The following TOP2A variants were observed in gnomAD, a reference collection of about 807,000 sequenced individuals.
TOP2A encodes DNA topoisomerase II alpha.
A neutral mutation model predicts 187.2 loss-of-function variants in TOP2A; 68 were observed. That is an observed-to-expected ratio of 0.36 (90% CI 0.30 to 0.44). The LOEUF is 0.44. Ranked by LOEUF, TOP2A falls within the 20% of genes least tolerant of loss-of-function variation. TOP2A has a pLI of 1.00. For missense variants in TOP2A, 1,196 were observed against 1,808.7 expected, an observed-to-expected ratio of 0.66 and a Z score of 6.14; for synonymous variants, 542 against 593.2, an observed-to-expected ratio of 0.91 and a Z score of 1.25.
chr17:40,395,424 C>G, intron 29 of TOP2A, 25 bp downstream of exon 29: 3 of 1,493,142 alleles, frequency 2.0e-6, no homozygotes, highest in Non-Finnish European at 2.8e-6. Context: ...CACTTTATAC[C>G]ATTTTTCTAA....
chr17:40,392,401 G>A, intron 30 of TOP2A, 60 bp from the exon 31 acceptor site: 1 of 1,530,734 alleles, frequency 6.5e-7, no homozygotes, highest in East Asian at 2.3e-5. Context: ...CAATTCATAG[G>A]TTGACATAAC....
Position 40,391,833 on chromosome 17 carries a change from A to G in TOP2A, c.4133-193T>C. On this transcript the variant is annotated intron_variant, in intron 32 of 34. Coordinates refer to ENST00000423485, the MANE Select transcript of TOP2A (RefSeq NM_001067.4). ...AGCAAGAACAGTTTTTATTTTTTGT[A>G]TCTCTAGCACCTAGCAAAGTACCTG... 5 of 808,040 alleles carry G rather than the reference A, an allele frequency of 6.2e-6. No individual in the cohort carries two copies. In the Admixed American group the frequency reaches 1.7e-4, roughly 28 times the overall value. 50.1% of individuals were successfully genotyped at this position (808,040 alleles called of 1,614,324 possible).
At chr17:40,392,134 T>G (rs2035029771) in intron 31 of TOP2A, 23 bp from the exon 32 acceptor site, 2 of 1,608,438 alleles carry the variant, frequency 1.2e-6, no homozygotes, top group Admixed American at 3.4e-5. Flanking sequence ...AAAAAAATCC[T>G]GACAACCAAT....
intron 19 of TOP2A, among the ~76,000 whole-genome samples, chr17:40,403,391 G>A (rs2143656082): frequency 6.6e-6 from 1 of 152,172 alleles, no homozygotes; most frequent in South Asian, 2.1e-4. Flanking sequence ...GTGTGTATTG[G>A]CCCTCTGGCT....
intron 4 of TOP2A, among the ~76,000 whole-genome samples, chr17:40,413,961 AT>A (rs567820335): frequency 0.015 from 2,312 of 152,112 alleles, 28 homozygotes; most frequent in Non-Finnish European, 0.023. Context: ...CCAGCCCTCA[AT>A]TTTTTTGGCA....
At position 40,389,957 on chromosome 17, in the gene TOP2A, A is replaced by C. The variant is rs1567779931; in HGVS notation, c.4467+8T>G. The C allele has an allele frequency of 6.2e-7, 1 of 1,611,268 alleles. No homozygotes were observed. Among genetic ancestry groups the C allele is most frequent in the South Asian group, 1.1e-5 (1 of 90,442 alleles). On this transcript the variant is annotated splice_region_variant and intron_variant, in intron 34 of 34. Coordinates refer to ENST00000423485, the MANE Select transcript of TOP2A (RefSeq NM_001067.4). Reference sequence around the variant, plus strand: ...ACAGCAAAAGGACTGACTAGGATCAACACTCACCTTGCTTGTGACTGCTTT... The same window carrying C: ...ACAGCAAAAGGACTGACTAGGATCACCACTCACCTTGCTTGTGACTGCTTT...
At chr17:40,414,229 G>A (rs1381767179) in intron 4 of TOP2A, among the ~76,000 whole-genome samples, 2 of 152,040 alleles carry the variant, frequency 1.3e-5, no homozygotes, top group East Asian at 1.9e-4. Flanking sequence ...ACAGCATCTC[G>A]CTCTGTCACC....
At chr17:40,409,080 G>T in intron 10 of TOP2A, 1 of 337,956 alleles carries the variant, frequency 3.0e-6, no homozygotes, top group Non-Finnish European at 5.7e-6. Flanking sequence ...TGTAATTCCA[G>T]CTACTCGGGA....
At position 40,411,701 on chromosome 17, in the gene TOP2A, T is replaced by C. The variant is rs1364100698; in HGVS notation, c.907A>G (p.Met303Val). 8.7e-6 allele frequency: 14 copies of C among 1,613,114 alleles called. No individual in the cohort carries two copies. The highest frequency in any genetic ancestry group is 1.7e-5 in the Admixed American group (1 of 59,822). ...VNHRWEVCLTMSEKGFQQISF... is the reference protein window; with the variant it reads ...VNHRWEVCLTVSEKGFQQISF... ...ATTTGCTGAAAGCCTTTTTCACTCA[T>C]AGTTAAACACACTTCCCACCTGTGG... Residue 303 changes from methionine (M) to valine (V), a missense_variant, in exon 8 of 35, where the codon ATG (methionine) becomes GTG (valine). By Grantham distance (21) the Met-to-Val change is conservative. Around this residue, in one of 10 missense-constraint regions of TOP2A, gnomAD observed 252 missense variants for 434.8 expected, o/e 0.58. Transcript: ENST00000423485. The surrounding 1 kb of genome is among the most constrained non-coding windows in gnomAD (Gnocchi z 4.4).
In TOP2A at chr17:40,400,564, C is replaced by T. The variant is rs367852231; in HGVS notation, c.2764G>A (p.Glu922Lys). ...EVAILNSTTI[E>K]ISELPVRTWT... The stretch of plus-strand genomic sequence containing the variant: ...GTTCTGACGGGAAGCTCTGAGATTT[C>T]AATGGTTGTAGAATTAAGAATAGCT... Residue 922 changes from glutamate (E) to lysine (K), a missense_variant, in exon 22 of 35, where the codon GAA (glutamate) becomes AAA (lysine). Glu to Lys is a moderately conservative substitution (Grantham distance 56). Coordinates refer to ENST00000423485, the MANE Select transcript of TOP2A (RefSeq NM_001067.4). 40 of 1,610,514 alleles carry T rather than the reference C, an allele frequency of 2.5e-5. No homozygotes were observed. The highest frequency in any genetic ancestry group is 1.6e-4 in the Middle Eastern group (1 of 6,074).
chr17:40,401,019 T>C lies in TOP2A; in HGVS notation c.2495A>G (p.Asp832Gly). The part of the protein sequence containing the change: ...DDHTLKFLYD[D>G]NQRVEPEWYI... ...CCATTCAGGCTCAACACGCTGGTTG[T>C]CATCATATAAAAACTTCAACGTGTG... Residue 832 changes from aspartate to glycine, a missense_variant, in exon 21 of 35, where the codon GAC becomes GGC. By Grantham distance (94) the Asp-to-Gly change is moderately conservative. This residue lies in a region of TOP2A where 209 missense variants were observed against 376.9 expected (regional missense o/e 0.55). Transcript: ENST00000423485. 1 of 1,613,962 alleles carries C rather than the reference T, an allele frequency of 6.2e-7. No homozygotes were observed. Among genetic ancestry groups the C allele is most frequent in the Non-Finnish European group, 8.5e-7 (1 of 1,179,884 alleles).
At position 40,409,137 on chromosome 17, in the gene TOP2A, C is replaced by A. The variant is rs530918585; in HGVS notation, c.1204-507G>T. On this transcript the variant is annotated intron_variant, in intron 10 of 34. Coordinates refer to ENST00000423485, the MANE Select transcript of TOP2A (RefSeq NM_001067.4). ...TGAACCCAGGAGGTAGAGGTTGCAGCGAGCCAAGATCGCACCATTGCACTC... is the reference window on the plus strand; with the variant it reads ...TGAACCCAGGAGGTAGAGGTTGCAGAGAGCCAAGATCGCACCATTGCACTC... The A allele has an allele frequency of 1.7e-5, 5 of 299,720 alleles. No homozygotes were observed. In the Admixed American group the frequency reaches 2.0e-4, roughly 12 times the overall value. 18.6% of individuals were successfully genotyped at this position (299,720 alleles called of 1,614,324 possible). A position where few individuals can be genotyped will look rare whatever the true frequency, so the allele number is the denominator to read the frequency against.
chr17:40,412,794 C>T lies in TOP2A; in HGVS notation c.754G>A (p.Asp252Asn). The T allele has an allele frequency of 6.2e-7, 1 of 1,613,964 alleles. No individual in the cohort carries two copies. The highest frequency in any genetic ancestry group is 1.1e-5 in the South Asian group (1 of 91,084). The change falls in exon 7 of 35, where the codon GAT becomes AAT. Residue 252 changes from aspartate (D) to asparagine (N), a missense_variant. Physicochemically the swap from Asp to Asn is conservative, Grantham distance 23. This residue lies in a region of TOP2A where 252 missense variants were observed against 434.8 expected (regional missense o/e 0.58). Coordinates refer to ENST00000423485, the MANE Select transcript of TOP2A (RefSeq NM_001067.4). ...RAYDIAGSTKDVKVFLNGNKL... is the reference protein window; with the variant it reads ...RAYDIAGSTKNVKVFLNGNKL... ...TTTCCATTAAGAAAGACTTTGACAT[C>T]TTTGGTGGATCCAGCAATATCATAT... is the stretch of plus-strand genomic sequence containing the variant.
Position 40,406,696 on chromosome 17 carries a change from T to G in TOP2A, c.1738-7A>C, listed in dbSNP as rs769472033. The G allele has an allele frequency of 2.5e-6, 4 of 1,609,118 alleles. No homozygotes were observed. The highest frequency in any genetic ancestry group is 3.4e-5 in the Admixed American group (2 of 59,622). ...CTTGCTTGTTTTTAGATACCTGTGA[T>G]AAAAAACAATGACTGTGGCTTTGTA... On this transcript the variant is annotated splice_polypyrimidine_tract_variant and splice_region_variant and intron_variant, in intron 14 of 34. Coordinates refer to ENST00000423485, the MANE Select transcript of TOP2A (RefSeq NM_001067.4).
intron 7 of TOP2A, 112 bp downstream of exon 7, chr17:40,412,647 C>G: frequency 2.2e-6 from 2 of 896,304 alleles, no homozygotes; most frequent in Non-Finnish European, 3.4e-6. Flanking sequence ...CTGTCTCAAA[C>G]AAACAAACAA....
intron 20 of TOP2A, among the ~76,000 whole-genome samples, chr17:40,402,407 G>A (rs922663768): frequency 1.2e-4 from 18 of 152,156 alleles, no homozygotes; most frequent in African/African-American, 4.3e-4. Flanking sequence ...TGATGAAGGA[G>A]CCCTGGAATG....
Position 40,407,948 on chromosome 17 carries a change from A to G in TOP2A, c.1500+19T>C. 6.3e-7 allele frequency: 1 copy of G among 1,590,062 alleles called. No homozygotes were observed. Among genetic ancestry groups the G allele is most frequent in the South Asian group, 1.1e-5 (1 of 87,970 alleles). On this transcript the variant is annotated intron_variant, in intron 12 of 34. Transcript: ENST00000423485. ...ATTATAAATTAGATTTAGATTCTGA[A>G]GATCGTCTTATATTCTACCTGCTTA...
At chr17:40,407,058 G>A (rs989015527) in intron 13 of TOP2A, 116 bp from the exon 14 acceptor site, 20 of 707,616 alleles carry the variant, frequency 2.8e-5, no homozygotes, top group African/African-American at 3.6e-5. Context: ...GAGGTCAGGC[G>A]TTCGAGACCA....
At chr17:40,399,196 T>C in intron 24 of TOP2A, 65 bp from the exon 25 acceptor site, 1 of 1,170,260 alleles carries the variant, frequency 8.5e-7, no homozygotes, top group Admixed American at 2.2e-5. Flanking sequence ...GGATAAGGTT[T>C]TACACAAGTC....
Sources: gnomAD v4.1 joint callset for allele counts (sites outside exome capture counted in the v4.1 genomes callset) on GRCh38, gnomAD v4.1.1 for gene constraint, gnomAD v4.1.1 regional missense constraint, Gnocchi (gnomAD v3.1) non-coding constraint, MANE v1.5 for transcripts, NCBI Gene and HGNC (gene_info 2026-07-23, HGNC 2026-07-21) for gene names.